Variants in SMARCE1 observed in about 807,000 individuals in gnomAD.
SMARCE1 encodes SWI/SNF related BAF chromatin remodeling complex subunit E1.
Under a neutral mutation model 54.9 loss-of-function variants are expected in SMARCE1, and 13 were observed. The observed-to-expected ratio is 0.24, with a 90% CI of 0.15 to 0.38. SMARCE1 has a LOEUF of 0.38. SMARCE1 is among the 10% of genes least tolerant of loss of function. The pLI is 1.00. For missense variants in SMARCE1, 295 were observed against 523.8 expected (o/e 0.56, Z 4.26); for synonymous variants, 151 against 175.3 (o/e 0.86, Z 1.10).
intron 4 of SMARCE1, among the ~76,000 whole-genome samples, chr17:40,639,665 C>T (rs1047603182): frequency 2.0e-5 from 3 of 152,034 alleles, no homozygotes; most frequent in African/African-American, 7.2e-5. Context: ...CACCCCAAAA[C>T]AATAATAAAG....
intron 3 of SMARCE1, chr17:40,644,327 T>C (rs1273416362): frequency 1.3e-5 from 2 of 151,754 alleles, no homozygotes; most frequent in African/African-American, 4.8e-5. Flanking sequence ...GGCAATAATG[T>C]TATAAAAATA....
chr17:40,637,432 G>C, intron 5 of SMARCE1, 60 bp downstream of exon 5: 1 of 1,308,636 alleles, frequency 7.6e-7, no homozygotes, highest in Non-Finnish European at 1.1e-6. Flanking sequence ...AAAGTTGGAT[G>C]TTAAGCAAAG....
chr17:40,643,206 C>T (rs1334580487), intron 3 of SMARCE1: 2 of 152,182 alleles, frequency 1.3e-5, no homozygotes, highest in African/African-American at 4.8e-5. Context: ...GTAAGAAATG[C>T]ATGGATTTCA....
At chr17:40,643,538 G>A (rs1218956187) in intron 3 of SMARCE1, 4 of 152,086 alleles carry the variant, frequency 2.6e-5, no homozygotes, top group Non-Finnish European at 5.9e-5. Flanking sequence ...TGAGAACCAA[G>A]GCATAATGCA....
intron 10 of SMARCE1, 140 bp from the exon 11 acceptor site, chr17:40,629,133 T>C (rs1255631115): frequency 2.0e-5 from 13 of 648,864 alleles, no homozygotes; most frequent in South Asian, 1.7e-4. Flanking sequence ...CCAGTGTGAC[T>C]AAAGAACTTT....
At chr17:40,631,346 CAGAGGGCTCTAG>C in intron 9 of SMARCE1, 1 of 379,746 alleles carries the variant, frequency 2.6e-6, no homozygotes. Flanking sequence ...TTTAACATAT[CAGAGGGCTCTAG>C]CATTTACAGG....
chr17:40,632,547 T>G, intron 7 of SMARCE1, 180 bp from the exon 8 acceptor site: 1 of 563,496 alleles, frequency 1.8e-6, no homozygotes, highest in Non-Finnish European at 3.1e-6. Flanking sequence ...GGACGTAATG[T>G]GTTCATTGGC....
intron 7 of SMARCE1, chr17:40,634,902 G>C (rs1396989383): frequency 1.3e-5 from 2 of 152,220 alleles, no homozygotes; most frequent in Non-Finnish European, 2.9e-5. Flanking sequence ...TGTGTCTTTA[G>C]CACTGCTGAT....
rs141832779 is a variant in SMARCE1, at chr17:40,637,576, C to A, written c.157-4G>T. 2 of 1,611,122 alleles carry A rather than the reference C, an allele frequency of 1.2e-6. No individual in the cohort carries two copies. The highest frequency in any genetic ancestry group is 2.2e-5 in the South Asian group (2 of 91,020). On this transcript the variant is annotated splice_polypyrimidine_tract_variant and splice_region_variant and intron_variant, in intron 4 of 10. Coordinates refer to ENST00000348513, the MANE Select transcript of SMARCE1 (RefSeq NM_003079.5). The stretch of plus-strand genomic sequence containing the variant: ...GAATCGTGATACCAGAGGATGCCTA[C>A]GAAAGAGTTAAATACATTCATTATT...
At position 40,627,484 on chromosome 17, in the gene SMARCE1, C is replaced by A. The variant is rs1333297375; in HGVS notation, c.*1301G>T. On this transcript the variant is annotated 3_prime_UTR_variant, in exon 11 of 11. Coordinates refer to ENST00000348513, the MANE Select transcript of SMARCE1 (RefSeq NM_003079.5). The stretch of plus-strand genomic sequence containing the variant: ...CTTTACTTTTGGAATCAAAGACCAA[C>A]TTCCATATGTGACAATGACTATAAT... 1 of 152,236 alleles carries A rather than the reference C, an allele frequency of 6.6e-6. No homozygotes were observed. Among genetic ancestry groups the A allele is most frequent in the Non-Finnish European group, 1.5e-5 (1 of 68,044 alleles). The allele number at this position is 152,236 out of a possible 1,614,324, so 9.4% of individuals were successfully genotyped here.
At chr17:40,639,124 G>A (rs529383185) in intron 4 of SMARCE1, among the ~76,000 whole-genome samples, 1 of 152,290 alleles carries the variant, frequency 6.6e-6, no homozygotes, top group South Asian at 2.1e-4. Flanking sequence ...CAGTGGGTAA[G>A]AGAGTGAGAT....
At chr17:40,638,886 T>TAA (rs2037169953) in intron 4 of SMARCE1, among the ~76,000 whole-genome samples, 1 of 152,160 alleles carries the variant, frequency 6.6e-6, no homozygotes, top group Non-Finnish European at 1.5e-5. Context: ...ACCCCAATCA[T>TAA]AACCTTATTT....
intron 10 of SMARCE1, chr17:40,629,949 C>T (rs2037073154): frequency 1.1e-5 from 4 of 360,980 alleles, no homozygotes; most frequent in Admixed American, 4.5e-5. Context: ...ATCTATATTC[C>T]ATTACATGTT....
chr17:40,645,336 C>T, intron 3 of SMARCE1: 1 of 414,290 alleles, frequency 2.4e-6, no homozygotes, highest in East Asian at 3.6e-5. Context: ...AAAGAAAAAA[C>T]AAAACAAACT....
Position 40,642,576 on chromosome 17 carries a change from AG to A in SMARCE1, c.52-18del. On this transcript the variant is annotated intron_variant, in intron 3 of 10. Coordinates refer to ENST00000348513, the MANE Select transcript of SMARCE1 (RefSeq NM_003079.5). The surrounding 1 kb of genome is among the most constrained non-coding windows in gnomAD (Gnocchi z 4.6). ...GGGCATTTGCTGATGGAAACAAATG[AG>A]ACAAAAACACGAATGAGAAATGAGC... is the stretch of plus-strand genomic sequence containing the variant. 1 of 1,418,874 alleles carries A rather than the reference AG, an allele frequency of 7.0e-7. No homozygotes were observed. Among genetic ancestry groups the A allele is most frequent in the Non-Finnish European group, 9.9e-7 (1 of 1,007,238 alleles). 87.9% of individuals were successfully genotyped at this position (1,418,874 alleles called of 1,614,324 possible).
intron 10 of SMARCE1, chr17:40,630,196 A>T (rs760262961): frequency 1.4e-5 from 17 of 1,223,758 alleles, no homozygotes; most frequent in African/African-American, 4.6e-5. Context: ...AGTTATTATT[A>T]TTATTTTTTA....
At chr17:40,640,442 C>CAGT (rs2037186985) in intron 4 of SMARCE1, 1 of 152,246 alleles carries the variant, frequency 6.6e-6, no homozygotes, top group African/African-American at 2.4e-5. Flanking sequence ...ATGTTCTCTA[C>CAGT]AGCCTACCAC....
Position 40,642,090 on chromosome 17 carries a change from C to G in SMARCE1, c.156+365G>C. ...CTGAAAGACCAGCCTCTACTAGAAA[C>G]TCAATCCTTGAGACTAATGCCAATC... On this transcript the variant is annotated intron_variant, in intron 4 of 10. Transcript: ENST00000348513. The surrounding 1 kb of genome is among the most constrained non-coding windows in gnomAD (Gnocchi z 4.6). 3.0e-6 allele frequency: 1 copy of G among 333,614 alleles called. No individual in the cohort carries two copies. Among genetic ancestry groups the G allele is most frequent in the Non-Finnish European group, 5.4e-6 (1 of 186,498 alleles). 20.7% of individuals were successfully genotyped at this position (333,614 alleles called of 1,614,324 possible). A position where few individuals can be genotyped will look rare whatever the true frequency, so the allele number is the denominator to read the frequency against.
chr17:40,628,531 A>G lies in SMARCE1; in HGVS notation c.*254T>C. On this transcript the variant is annotated 3_prime_UTR_variant, in exon 11 of 11. Coordinates refer to ENST00000348513, the MANE Select transcript of SMARCE1 (RefSeq NM_003079.5). Reference sequence around the variant, plus strand: ...CTCTAAAAGAGGTGGGTGTTTTCTCAATTAATCTAAATTCTGAGGCTTTCA... The same window carrying G: ...CTCTAAAAGAGGTGGGTGTTTTCTCGATTAATCTAAATTCTGAGGCTTTCA... 2.4e-6 allele frequency: 1 copy of G among 417,778 alleles called. No homozygotes were observed. The highest frequency in any genetic ancestry group is 2.8e-5 in the South Asian group (1 of 36,302). The allele number at this position is 417,778 out of a possible 1,614,324, so 25.9% of individuals were successfully genotyped here.
Sources: allele counts gnomAD v4.1 joint callset (sites outside exome capture counted in the v4.1 genomes callset), GRCh38; gene constraint gnomAD v4.1.1; non-coding constraint Gnocchi (gnomAD v3.1); transcripts MANE v1.5; gene names NCBI Gene and HGNC (gene_info 2026-07-23, HGNC 2026-07-21).